The following MARCHF1 variants were observed in gnomAD, a reference collection of about 807,000 sequenced individuals.
MARCHF1 encodes the protein membrane associated ring-CH-type finger 1.
A neutral mutation model predicts 54.2 loss-of-function variants in MARCHF1; 40 were observed. The observed-to-expected ratio is 0.74, with a 90% confidence interval of 0.57 to 0.96. The LOEUF (loss-of-function observed/expected upper bound fraction) is 0.96. Among genes scored for constraint, MARCHF1 ranks in the 40% least tolerant of loss-of-function variants. The pLI, the probability that MARCHF1 is intolerant of heterozygous loss-of-function variation, is 0.00. For missense variants in MARCHF1, 586 were observed against 656.5 expected, an observed-to-expected ratio of 0.89 and a Z score of 1.17; for synonymous variants, 236 against 236.3, an observed-to-expected ratio of 1.00 and a Z score of 0.01.
intron 1 of MARCHF1, among the ~76,000 whole-genome samples, chr4:164,169,483 C>G (rs77391408): frequency 0.012 from 1,870 of 152,114 alleles, 36 homozygotes; most frequent in East Asian, 0.087. Flanking sequence ...TCCAAAAAAT[C>G]TTACATCAAA....
chr4:163,886,422 G>T (rs2111257245), intron 3 of MARCHF1, among the ~76,000 whole-genome samples: 1 of 151,814 alleles, frequency 6.6e-6, no homozygotes, highest in Admixed American at 6.6e-5. Context: ...TGTGGCAATT[G>T]CCTTAAACTA....
intron 5 of MARCHF1, among the ~76,000 whole-genome samples, chr4:163,623,207 A>G (rs1741747578): frequency 6.6e-6 from 1 of 152,182 alleles, no homozygotes; most frequent in Admixed American, 6.5e-5. Flanking sequence ...TGATAAGGCT[A>G]GTTCTGAGAG....
intron 3 of MARCHF1, among the ~76,000 whole-genome samples, chr4:163,872,127 A>G (rs1187061931): frequency 1.3e-5 from 2 of 152,244 alleles, no homozygotes; most frequent in Non-Finnish European, 2.9e-5. Context: ...TGTGAGTATA[A>G]GTGACATTTA....
chr4:164,027,491 G>A (rs1052766034), intron 2 of MARCHF1, among the ~76,000 whole-genome samples: 1 of 148,018 alleles, frequency 6.8e-6, no homozygotes, highest in African/African-American at 2.5e-5. Context: ...GACAAAACAA[G>A]CAATGGGAAA....
chr4:163,551,383 T>C (rs1739102351), intron 8 of MARCHF1, among the ~76,000 whole-genome samples: 2 of 152,218 alleles, frequency 1.3e-5, no homozygotes, highest in Non-Finnish European at 2.9e-5. Context: ...AATAAATCTT[T>C]AAGTTCAGAG....
intron 3 of MARCHF1, among the ~76,000 whole-genome samples, chr4:163,905,607 T>G (rs1751048159): frequency 6.6e-6 from 1 of 152,062 alleles, no homozygotes; most frequent in South Asian, 2.1e-4. Flanking sequence ...AGTCCAAGGA[T>G]CCAAATCCTC....
At chr4:164,373,681 A>T (rs2110965593) in intron 1 of MARCHF1, among the ~76,000 whole-genome samples, 1 of 152,254 alleles carries the variant, frequency 6.6e-6, no homozygotes, top group South Asian at 2.1e-4. Flanking sequence ...TAACAAAAAA[A>T]TTTCCTAAGG....
chr4:163,779,260 A>T (rs1232289028), intron 4 of MARCHF1, among the ~76,000 whole-genome samples: 1 of 152,208 alleles, frequency 6.6e-6, no homozygotes, highest in Non-Finnish European at 1.5e-5. Context: ...AGTCACATAG[A>T]ATCACACAAT....
intron 2 of MARCHF1, among the ~76,000 whole-genome samples, chr4:164,091,387 C>A: frequency 7.3e-6 from 1 of 136,678 alleles, no homozygotes; most frequent in South Asian, 2.3e-4. Flanking sequence ...ATAGGGACAA[C>A]AGGGGATAAT....
chr4:164,314,089 A>C (rs1006557589), intron 1 of MARCHF1, among the ~76,000 whole-genome samples: 5 of 152,216 alleles, frequency 3.3e-5, no homozygotes, highest in Admixed American at 3.3e-4. Flanking sequence ...CAGCTTTTGC[A>C]GAAGCCCTTT....
intron 8 of MARCHF1, among the ~76,000 whole-genome samples, chr4:163,560,524 A>T (rs1436876321): frequency 6.6e-6 from 1 of 152,176 alleles, no homozygotes; most frequent in Non-Finnish European, 1.5e-5. Context: ...TTCCACTTGA[A>T]GTTTAAAATT....
intron 5 of MARCHF1, among the ~76,000 whole-genome samples, chr4:163,658,922 C>T (rs541675162): frequency 2.6e-5 from 4 of 151,798 alleles, no homozygotes; most frequent in East Asian, 2.0e-4. Flanking sequence ...CAAACATGCA[C>T]ATCCTGCACA....
At chr4:163,899,585 G>A (rs1750892584) in intron 3 of MARCHF1, among the ~76,000 whole-genome samples, 1 of 151,988 alleles carries the variant, frequency 6.6e-6, no homozygotes, top group African/African-American at 2.4e-5. Context: ...GATATCAACA[G>A]TCTCATTGCT....
intron 4 of MARCHF1, among the ~76,000 whole-genome samples, chr4:163,832,821 C>T (rs1005038193): frequency 0.024 from 2,197 of 90,728 alleles, 41 homozygotes; most frequent in African/African-American, 0.061. Flanking sequence ...TTCCCACCTA[C>T]GAGTGAGAAC....
In MARCHF1 at chr4:163,846,988, C is replaced by A. The variant is rs531761401; in HGVS notation, c.111+7033G>T. On this transcript the variant is annotated intron_variant, in intron 4 of 9. Coordinates refer to ENST00000514618, the MANE Select transcript of MARCHF1 (RefSeq NM_001394959.1). ...GAGAATGGCAGTGTTTATGAAATAACAAAGAATGGGATTCTAGAAGAAAAA... is the reference window on the plus strand; with the variant it reads ...GAGAATGGCAGTGTTTATGAAATAAAAAAGAATGGGATTCTAGAAGAAAAA... 1.3e-4 allele frequency among the ~76,000 whole-genome samples: 20 copies of A among 152,106 alleles called. 1 individual carries two copies. In the South Asian group the frequency reaches 3.9e-3, roughly 30 times the overall value.
chr4:163,684,954 G>A (rs890821386), intron 5 of MARCHF1, among the ~76,000 whole-genome samples: 5 of 152,160 alleles, frequency 3.3e-5, no homozygotes, highest in South Asian at 2.1e-4. Context: ...GTCAAAGTAA[G>A]CTGCACACTA....
At chr4:164,014,324 G>A (rs1753491842) in intron 2 of MARCHF1, among the ~76,000 whole-genome samples, 1 of 152,030 alleles carries the variant, frequency 6.6e-6, no homozygotes, top group African/African-American at 2.4e-5. Flanking sequence ...GAGTTAAGCT[G>A]TTATCGGTTC....
At chr4:163,802,525 T>A (rs1313339026) in intron 4 of MARCHF1, among the ~76,000 whole-genome samples, 1 of 152,230 alleles carries the variant, frequency 6.6e-6, no homozygotes, top group Non-Finnish European at 1.5e-5. Context: ...CCCTTTTTAA[T>A]CCTCAAGCAG....
intron 5 of MARCHF1, among the ~76,000 whole-genome samples, chr4:163,656,474 G>A (rs573828262): frequency 6.6e-6 from 1 of 151,118 alleles, no homozygotes; most frequent in African/African-American, 2.4e-5. Flanking sequence ...TCTACCAGAG[G>A]TACAAACAGG....
Sources: gnomAD v4.1 joint callset for allele counts (sites outside exome capture counted in the v4.1 genomes callset) on GRCh38, gnomAD v4.1.1 for gene constraint, MANE v1.5 for transcripts, NCBI Gene and HGNC (gene_info 2026-07-23, HGNC 2026-07-21) for gene names.